The following SIAE variants were observed in gnomAD, a reference collection of about 807,000 sequenced individuals.
SIAE encodes the protein sialate O-acetylesterase.
SIAE carries 39 observed loss-of-function variants against 52.6 expected under a neutral mutation model. That is an observed-to-expected ratio of 0.74 (90% CI 0.57 to 0.97). SIAE has a LOEUF of 0.97. Among genes scored for constraint, SIAE ranks in the 50% least tolerant of loss-of-function variants. The probability of loss-of-function intolerance (pLI) is 0.00; values close to 1 mark genes in which losing one functional copy is unlikely to be tolerated. For synonymous variants in SIAE, 233 were observed against 241.4 expected, an observed-to-expected ratio of 0.97 and a Z score of 0.32; for missense variants, 592 against 662.1, an observed-to-expected ratio of 0.89 and a Z score of 1.16.
At chr11:124,662,314 CAG>C (rs1943196998) in intron 2 of SIAE, among the ~76,000 whole-genome samples, 2 of 152,190 alleles carry the variant, frequency 1.3e-5, no homozygotes, top group African/African-American at 4.8e-5. Flanking sequence ...TCTGAGCAGG[CAG>C]ACACTCCAAT....
intron 2 of SIAE, among the ~76,000 whole-genome samples, chr11:124,665,563 T>C (rs980250142): frequency 6.6e-6 from 1 of 152,216 alleles, no homozygotes; most frequent in Non-Finnish European, 1.5e-5. Context: ...AGCGAAACCA[T>C]GACCAGACTT....
At position 124,635,043 on chromosome 11, in the gene SIAE, A is replaced by G. The variant is rs1248944611; in HGVS notation, c.*1908T>C. 6.6e-6 allele frequency: 1 copy of G among 152,218 alleles called. No individual in the cohort carries two copies. The highest frequency in any genetic ancestry group is 1.5e-5 in the Non-Finnish European group (1 of 68,038). 9.4% of individuals were successfully genotyped at this position (152,218 alleles called of 1,614,324 possible). ...TGAATGTGCATGGCGTCATTAACATAATCATTGCCTGAACCGTATTTTTCA... is the reference window on the plus strand; with the variant it reads ...TGAATGTGCATGGCGTCATTAACATGATCATTGCCTGAACCGTATTTTTCA... On this transcript the variant is annotated 3_prime_UTR_variant, in exon 10 of 10. Coordinates refer to ENST00000263593, the MANE Select transcript of SIAE (RefSeq NM_170601.5).
At chr11:124,646,351 T>A (rs1009099640) in intron 7 of SIAE, among the ~76,000 whole-genome samples, 11 of 152,294 alleles carry the variant, frequency 7.2e-5, no homozygotes, top group African/African-American at 2.2e-4. Flanking sequence ...GAAAATGTAG[T>A]CATGTAGGCA....
chr11:124,671,207 C>T (rs1943349554), intron 1 of SIAE, among the ~76,000 whole-genome samples: 1 of 152,268 alleles, frequency 6.6e-6, no homozygotes, highest in South Asian at 2.1e-4. Flanking sequence ...AGTATAAACA[C>T]GCTACTTACT....
intron 1 of SIAE, among the ~76,000 whole-genome samples, chr11:124,669,946 T>C (rs950070573): frequency 6.6e-6 from 1 of 152,216 alleles, no homozygotes; most frequent in African/African-American, 2.4e-5. Context: ...TTACCACACC[T>C]GCTCCTAATG....
intron 2 of SIAE, among the ~76,000 whole-genome samples, chr11:124,662,893 C>T (rs76340269): frequency 6.6e-6 from 1 of 152,174 alleles, no homozygotes; most frequent in South Asian, 2.1e-4. Context: ...GCCTGTAATC[C>T]CAGCACTTTG....
intron 3 of SIAE, 28 bp downstream of exon 3, chr11:124,660,600 G>C (rs1239135414): frequency 6.2e-7 from 1 of 1,611,464 alleles, no homozygotes; most frequent in Admixed American, 1.7e-5. Context: ...CCAACACTGT[G>C]TATTATTGCT....
At chr11:124,653,485 C>A (rs556192877) in intron 4 of SIAE, among the ~76,000 whole-genome samples, 1 of 152,132 alleles carries the variant, frequency 6.6e-6, no homozygotes, top group South Asian at 2.1e-4. Context: ...AAAGAAAGTA[C>A]CAGGCAAGCA....
chr11:124,638,516 CCT>C (rs773476375), intron 9 of SIAE, 24 bp downstream of exon 9: 20 of 1,611,172 alleles, frequency 1.2e-5, no homozygotes, highest in East Asian at 2.2e-5. Context: ...AAAATGAACC[CCT>C]GTTTATTCTG....
chr11:124,653,544 G>A (rs1207333943), intron 4 of SIAE, among the ~76,000 whole-genome samples: 6 of 152,136 alleles, frequency 3.9e-5, no homozygotes, highest in Admixed American at 6.5e-5. Flanking sequence ...TGCTGAATGC[G>A]GCAAAGGTCT....
chr11:124,668,598 G>A (rs568903291), intron 2 of SIAE, among the ~76,000 whole-genome samples: 45 of 152,268 alleles, frequency 3.0e-4, no homozygotes, highest in African/African-American at 6.7e-4. Context: ...GTGTTAATTC[G>A]TTTAATTCTC....
chr11:124,636,464 C>T lies in SIAE; in HGVS notation c.*487G>A, dbSNP rs533643577. On this transcript the variant is annotated 3_prime_UTR_variant, in exon 10 of 10. Coordinates refer to ENST00000263593, the MANE Select transcript of SIAE (RefSeq NM_170601.5). ...GTCAGGAATTTTGTAAAGACGTCTA[C>T]GGCCATATCACCCTGAACGCGCCTG... 2.9e-5 allele frequency: 5 copies of T among 170,844 alleles called. No homozygotes were observed. Among genetic ancestry groups the T allele is most frequent in the South Asian group, 1.4e-4 (1 of 7,264 alleles). The allele number at this position is 170,844 out of a possible 1,614,324, so 10.6% of individuals were successfully genotyped here. A position where few individuals can be genotyped will look rare whatever the true frequency, so the allele number is the denominator to read the frequency against.
intron 9 of SIAE, 116 bp downstream of exon 9, chr11:124,638,426 C>T: frequency 2.6e-6 from 3 of 1,134,666 alleles, no homozygotes; most frequent in South Asian, 2.6e-5. Flanking sequence ...ATAAGCTCAG[C>T]CCCCAACCAA....
At chr11:124,675,311 T>C (rs372342648), upstream of SIAE, 1 of 1,614,032 alleles carries the variant, frequency 6.2e-7, no homozygotes, top group Non-Finnish European at 8.5e-7. Flanking sequence ...CCACAAGGAT[T>C]TGGGAATCTT....
rs1467300535 is a variant in SIAE at position 124,635,613 on chromosome 11, ACTAT to A, written c.*1334_*1337del. ...TACATATGATTTCATTAATATATTC[ACTAT>A]CTAAACCATATTTTTTACACTACGT... On this transcript the variant is annotated 3_prime_UTR_variant, in exon 10 of 10. Coordinates refer to ENST00000263593, the MANE Select transcript of SIAE (RefSeq NM_170601.5). 1.3e-5 allele frequency: 2 copies of A among 152,220 alleles called. No homozygotes were observed. The highest frequency in any genetic ancestry group is 2.4e-5 in the African/African-American group (1 of 41,462). 9.4% of individuals were successfully genotyped at this position (152,220 alleles called of 1,614,324 possible).
upstream of SIAE, chr11:124,675,660 A>G (rs1220396356): frequency 2.6e-6 from 1 of 379,200 alleles, no homozygotes; most frequent in East Asian, 5.5e-5. Flanking sequence ...TCTCACGGAC[A>G]TACAGCGTGG....
Position 124,634,749 on chromosome 11 carries a change from AATT to A in SIAE, c.*2199_*2201del, listed in dbSNP as rs1942685670. On this transcript the variant is annotated 3_prime_UTR_variant, in exon 10 of 10. Coordinates refer to ENST00000263593, the MANE Select transcript of SIAE (RefSeq NM_170601.5). The stretch of plus-strand genomic sequence containing the variant: ...CTATATTCTATTATTTACATAAGAA[AATT>A]ATTTTGGTAAAGTAAGTAAGTCAAA... The A allele has an allele frequency of 1.3e-5, 2 of 152,244 alleles. No individual in the cohort carries two copies. The highest frequency in any genetic ancestry group is 4.8e-5 in the African/African-American group (2 of 41,452). The allele number at this position is 152,244 out of a possible 1,614,324, so 9.4% of individuals were successfully genotyped here. A position where few individuals can be genotyped will look rare whatever the true frequency, so the allele number is the denominator to read the frequency against.
At chr11:124,653,731 T>C (rs531220108) in intron 4 of SIAE, among the ~76,000 whole-genome samples, 1 of 152,326 alleles carries the variant, frequency 6.6e-6, no homozygotes, top group African/African-American at 2.4e-5. Flanking sequence ...ATGAAGCATC[T>C]GTGAAGGGTG....
intron 7 of SIAE, among the ~76,000 whole-genome samples, chr11:124,641,247 C>T (rs1403371444): frequency 6.6e-6 from 1 of 152,092 alleles, no homozygotes; most frequent in Non-Finnish European, 1.5e-5. Flanking sequence ...TATAGGAAAA[C>T]GTGGTCTCAG....
Sources: gnomAD v4.1 joint callset for allele counts (sites outside exome capture counted in the v4.1 genomes callset) on GRCh38, gnomAD v4.1.1 for gene constraint, MANE v1.5 for transcripts, NCBI Gene and HGNC (gene_info 2026-07-23, HGNC 2026-07-21) for gene names.